CLSTN2: variants seen among roughly 807,000 people sequenced by gnomAD.
CLSTN2 encodes the protein calsyntenin-2.
A neutral mutation model predicts 101.2 loss-of-function variants in CLSTN2; 48 were observed. That is an observed-to-expected ratio of 0.47 (90% CI 0.38 to 0.60). The LOEUF is 0.60. Among genes scored for constraint, CLSTN2 ranks in the 20% least tolerant of loss-of-function variants. The pLI, the probability that CLSTN2 is intolerant of heterozygous loss-of-function variation, is 0.00. For synonymous variants in CLSTN2, 481 were observed against 463.6 expected, an observed-to-expected ratio of 1.04 and a Z score of -0.48; for missense variants, 1,160 against 1,238.2, an observed-to-expected ratio of 0.94 and a Z score of 0.95.
At chr3:140,182,214 A>C (rs115763437) in intron 2 of CLSTN2, among the ~76,000 whole-genome samples, 1 of 152,220 alleles carries the variant, frequency 6.6e-6, no homozygotes, top group Admixed American at 6.5e-5. Context: ...TATTTAGGTT[A>C]TTCTCTATTC....
intron 1 of CLSTN2, among the ~76,000 whole-genome samples, chr3:140,149,464 A>AT (rs11328442): frequency 0.061 from 9,226 of 151,120 alleles, 756 homozygotes; most frequent in African/African-American, 0.19. Flanking sequence ...GATAAATAGC[A>AT]TTTTTTTTTT....
At position 140,100,948 on chromosome 3, in the gene CLSTN2, C is replaced by A. The variant is rs560895002; in HGVS notation, c.110-75003C>A. 2.0e-5 allele frequency among the ~76,000 whole-genome samples: 3 copies of A among 152,200 alleles called. No individual in the cohort carries two copies. In the South Asian group the frequency reaches 6.2e-4, roughly 32 times the overall value. ...CCTTTATTGGTAGCATTGTTGCTGT[C>A]CCTTGTAATTAGGATATATCACTAC... On this transcript the variant is annotated intron_variant, in intron 1 of 16. Coordinates refer to ENST00000458420, the MANE Select transcript of CLSTN2 (RefSeq NM_022131.3).
intron 1 of CLSTN2, among the ~76,000 whole-genome samples, chr3:139,936,415 C>A (rs143388216): frequency 2.3e-3 from 354 of 152,276 alleles, no homozygotes; most frequent in Non-Finnish European, 3.8e-3. Context: ...GGGCGCACAG[C>A]TTAGTGATAA....
chr3:140,342,100 T>A (rs2087499240), intron 2 of CLSTN2, among the ~76,000 whole-genome samples: 1 of 152,308 alleles, frequency 6.6e-6, no homozygotes, highest in African/African-American at 2.4e-5. Flanking sequence ...AGCATTCCTT[T>A]GTGAAGATGG....
intron 1 of CLSTN2, among the ~76,000 whole-genome samples, chr3:139,946,552 G>A (rs903695341): frequency 3.3e-5 from 5 of 152,154 alleles, no homozygotes; most frequent in Non-Finnish European, 7.4e-5. Flanking sequence ...GATGCTACTG[G>A]GAGGAGAAAC....
chr3:140,010,261 G>A (rs1428051956), intron 1 of CLSTN2, among the ~76,000 whole-genome samples: 3 of 152,190 alleles, frequency 2.0e-5, no homozygotes, highest in Non-Finnish European at 2.9e-5. Context: ...CCATGAACTA[G>A]GAGGTGTTGG....
intron 8 of CLSTN2, among the ~76,000 whole-genome samples, chr3:140,478,615 T>A (rs1006126581): frequency 1.3e-4 from 20 of 152,316 alleles, no homozygotes; most frequent in African/African-American, 4.8e-4. Flanking sequence ...GAGCACAGAC[T>A]TTTTTTGGAT....
intron 5 of CLSTN2, among the ~76,000 whole-genome samples, chr3:140,431,745 G>A (rs1162987012): frequency 6.6e-6 from 1 of 152,178 alleles, no homozygotes. Context: ...CAGTGGAGAT[G>A]GAGCTAGGTA....
At chr3:139,951,230 C>T (rs1935288658) in intron 1 of CLSTN2, among the ~76,000 whole-genome samples, 1 of 152,132 alleles carries the variant, frequency 6.6e-6, no homozygotes, top group African/African-American at 2.4e-5. Context: ...CTAAGAGGTA[C>T]CCAAGAAGTA....
chr3:139,964,576 G>A (rs1056086111), intron 1 of CLSTN2, among the ~76,000 whole-genome samples: 33 of 152,134 alleles, frequency 2.2e-4, no homozygotes, highest in African/African-American at 7.7e-4. Context: ...GGGGGGTCAA[G>A]GGGCCAAGCT....
chr3:140,520,502 C>T (rs910170417), intron 8 of CLSTN2, among the ~76,000 whole-genome samples: 1 of 152,172 alleles, frequency 6.6e-6, no homozygotes, highest in African/African-American at 2.4e-5. Flanking sequence ...GACTCACTCA[C>T]TATCACAAGA....
intron 8 of CLSTN2, among the ~76,000 whole-genome samples, chr3:140,470,154 C>T (rs569623600): frequency 1.3e-5 from 2 of 152,344 alleles, no homozygotes; most frequent in South Asian, 2.1e-4. Flanking sequence ...TGGGGACTCG[C>T]TTATTTCTTT....
intron 1 of CLSTN2, among the ~76,000 whole-genome samples, chr3:139,948,671 T>C (rs1935248769): frequency 6.6e-6 from 1 of 152,156 alleles, no homozygotes; most frequent in Non-Finnish European, 1.5e-5. Flanking sequence ...AGTACAGTGC[T>C]TTTACTCACA....
At chr3:140,548,564 G>GA (rs1294245414) in intron 10 of CLSTN2, among the ~76,000 whole-genome samples, 1 of 152,174 alleles carries the variant, frequency 6.6e-6, no homozygotes, top group East Asian at 1.9e-4. Context: ...AACCAGCTAG[G>GA]AAAAAGGCAG....
Position 140,448,855 on chromosome 3 carries a change from C to A in CLSTN2, c.973+151C>A, listed in dbSNP as rs533740737. On this transcript the variant is annotated intron_variant, in intron 6 of 16. Transcript: ENST00000458420. ...GGATGGATTTTAAGTTTACTTATGG[C>A]AGAAGGGTTGGAAGGCCCAGTTTTT... is the stretch of plus-strand genomic sequence containing the variant. 8 of 697,764 alleles carry A rather than the reference C, an allele frequency of 1.1e-5. No homozygotes were observed. The South Asian group carries it at 1.5e-4, about 13-fold the overall frequency. 43.2% of individuals were successfully genotyped at this position (697,764 alleles called of 1,614,324 possible).
intron 6 of CLSTN2, among the ~76,000 whole-genome samples, chr3:140,451,397 C>T (rs1933247554): frequency 6.6e-6 from 1 of 152,160 alleles, no homozygotes; most frequent in Non-Finnish European, 1.5e-5. Context: ...CCAGCAAGGC[C>T]GTTTCCCCCA....
chr3:140,179,136 T>C (rs1176618809), intron 2 of CLSTN2, among the ~76,000 whole-genome samples: 4 of 152,162 alleles, frequency 2.6e-5, no homozygotes, highest in Non-Finnish European at 5.9e-5. Context: ...AGATTTAACA[T>C]AGCTTTTATG....
At chr3:140,458,367 C>T (rs1405434410) in intron 6 of CLSTN2, among the ~76,000 whole-genome samples, 3 of 152,090 alleles carry the variant, frequency 2.0e-5, no homozygotes, top group African/African-American at 7.2e-5. Flanking sequence ...CCTGCCCACC[C>T]AACTCAGGTC....
intron 8 of CLSTN2, among the ~76,000 whole-genome samples, chr3:140,514,360 A>G (rs924438572): frequency 6.6e-6 from 1 of 152,082 alleles, no homozygotes; most frequent in African/African-American, 2.4e-5. Context: ...GTGAGAACAT[A>G]TGATGTTTGA....
Sources: allele counts gnomAD v4.1 joint callset (sites outside exome capture counted in the v4.1 genomes callset), GRCh38; gene constraint gnomAD v4.1.1; transcripts MANE v1.5; gene names NCBI Gene and HGNC (gene_info 2026-07-23, HGNC 2026-07-21).